The following PDE3B variants were observed in gnomAD, a reference collection of about 807,000 sequenced individuals.
The protein encoded by PDE3B is phosphodiesterase 3B, also known as cGMP-inhibited 3',5'-cyclic phosphodiesterase 3B.
A neutral mutation model predicts 116.8 loss-of-function variants in PDE3B; 66 were observed. The ratio of observed to expected loss-of-function variants is 0.56; its 90% CI spans 0.46 to 0.69. The LOEUF (loss-of-function observed/expected upper bound fraction) is 0.69, where lower values mean the gene tolerates loss of function less well. Among genes scored for constraint, PDE3B ranks in the 30% least tolerant of loss-of-function variants. PDE3B has a pLI of 0.00. For missense variants in PDE3B, 1,384 were observed against 1,368.1 expected, an observed-to-expected ratio of 1.01 and a Z score of -0.18; for synonymous variants, 595 against 533.6, an observed-to-expected ratio of 1.12 and a Z score of -1.59.
At chr11:14,851,958 G>A (rs1450002358) in intron 12 of PDE3B, among the ~76,000 whole-genome samples, 1 of 152,172 alleles carries the variant, frequency 6.6e-6, no homozygotes, top group East Asian at 1.9e-4. Context: ...GGTAACATAT[G>A]GAAGGTTTTA....
chr11:14,741,421 A>AT (rs368497557), intron 1 of PDE3B, among the ~76,000 whole-genome samples: 1 of 150,012 alleles, frequency 6.7e-6, no homozygotes, highest in Non-Finnish European at 1.5e-5. Context: ...CTAGGATTGC[A>AT]TTTTTTTTGC....
Position 14,644,942 on chromosome 11 carries a change from C to A in PDE3B, c.867C>A (p.Ile289=). The change falls in exon 1 of 16, where the codon ATC becomes ATA. Residue 289 remains isoleucine (I), a synonymous_variant. Transcript: ENST00000282096. ...SSAAEEKVPV[I]RPRRRSSCVS... is the part of the protein sequence containing the mutation. ...CCGCCGAAGAAAAAGTGCCTGTGAT[C>A]CGACCCCGGAGGAGGTCCAGCTGCG... 1 of 1,614,082 alleles carries A rather than the reference C, an allele frequency of 6.2e-7. No homozygotes were observed. The highest frequency in any genetic ancestry group is 1.3e-5 in the African/African-American group (1 of 75,030).
the PDE3B span, among the ~76,000 whole-genome samples, chr11:14,884,748 A>G: frequency 2.0e-5 from 3 of 152,216 alleles, no homozygotes; most frequent in East Asian, 5.8e-4. Flanking sequence ...CCTGGTTTTT[A>G]AAAATCTTAA....
At chr11:14,733,071 A>G (rs1348099065) in intron 1 of PDE3B, among the ~76,000 whole-genome samples, 3 of 152,322 alleles carry the variant, frequency 2.0e-5, no homozygotes. Context: ...TTTTTTGAAC[A>G]GTAGTATGCA....
intron 1 of PDE3B, among the ~76,000 whole-genome samples, chr11:14,743,564 G>A (rs1007849860): frequency 6.6e-6 from 1 of 152,208 alleles, no homozygotes; most frequent in Non-Finnish European, 1.5e-5. Flanking sequence ...TTCCAGGGTA[G>A]TGAACAGTTT....
intron 7 of PDE3B, among the ~76,000 whole-genome samples, chr11:14,827,501 T>C (rs1047874283): frequency 3.3e-5 from 5 of 152,010 alleles, no homozygotes; most frequent in African/African-American, 1.2e-4. Flanking sequence ...CAGAAATAAC[T>C]AGCATTCCTA....
In PDE3B at chr11:14,818,715, A is replaced by G. The variant is rs563898459; in HGVS notation, c.1733+322A>G. On this transcript the variant is annotated intron_variant, in intron 6 of 15. Transcript: ENST00000282096. ...TATTTATCTAGTAGTTTTTATTCTA[A>G]ATAAATATCTTCTCATTTTAGTGGT... Among the ~76,000 whole-genome samples the G allele has an allele frequency of 2.0e-5, 3 of 152,172 alleles. No homozygotes were observed. In the East Asian group the frequency reaches 5.8e-4, roughly 29 times the overall value.
chr11:14,796,164 T>TG (rs1326875435), intron 4 of PDE3B, among the ~76,000 whole-genome samples: 1 of 152,210 alleles, frequency 6.6e-6, no homozygotes, highest in Non-Finnish European at 1.5e-5. Context: ...CTGAGAATGA[T>TG]GGTTTCCAGC....
intron 1 of PDE3B, among the ~76,000 whole-genome samples, chr11:14,765,557 T>A (rs1349253309): frequency 6.6e-6 from 1 of 151,876 alleles, no homozygotes; most frequent in Non-Finnish European, 1.5e-5. Context: ...ATAGTATATA[T>A]TACTTAGAGA....
At chr11:14,889,364 C>T in the PDE3B span, among the ~76,000 whole-genome samples, 1 of 152,120 alleles carries the variant, frequency 6.6e-6, no homozygotes, top group Non-Finnish European at 1.5e-5. Flanking sequence ...TGGAAAATAT[C>T]TCTAAGATAA....
the PDE3B span, chr11:14,890,441 CT>C: frequency 1.3e-5 from 13 of 981,470 alleles, no homozygotes; most frequent in African/African-American, 1.8e-5. Flanking sequence ...CCTTTATTAT[CT>C]CGTCCAGCTT....
intron 1 of PDE3B, among the ~76,000 whole-genome samples, chr11:14,706,523 TA>T (rs1855540450): frequency 6.6e-6 from 1 of 151,936 alleles, no homozygotes; most frequent in South Asian, 2.1e-4. Flanking sequence ...GGGCACATAG[TA>T]ACTACTCAAT....
At chr11:14,736,509 T>C (rs1856605593) in intron 1 of PDE3B, among the ~76,000 whole-genome samples, 1 of 152,182 alleles carries the variant, frequency 6.6e-6, no homozygotes, top group East Asian at 1.9e-4. Context: ...AAGTTGCCAT[T>C]AACAGAAATA....
intron 1 of PDE3B, among the ~76,000 whole-genome samples, chr11:14,696,880 C>G (rs1855221571): frequency 6.6e-6 from 1 of 151,940 alleles, no homozygotes; most frequent in Non-Finnish European, 1.5e-5. Context: ...AAATCTTTGC[C>G]TACAGGAAGA....
the PDE3B span, chr11:14,891,663 G>T: frequency 1.7e-6 from 2 of 1,161,262 alleles, no homozygotes; most frequent in East Asian, 5.8e-5. Context: ...CTGAAGTGGC[G>T]GCGCGGCTGG....
intron 1 of PDE3B, among the ~76,000 whole-genome samples, chr11:14,754,792 T>C (rs1290927283): frequency 6.6e-6 from 1 of 152,148 alleles, no homozygotes; most frequent in African/African-American, 2.4e-5. Context: ...CTTCATCCTT[T>C]ATTATTTTTA....
At chr11:14,753,063 G>A (rs1172447817) in intron 1 of PDE3B, among the ~76,000 whole-genome samples, 1 of 152,118 alleles carries the variant, frequency 6.6e-6, no homozygotes, top group East Asian at 1.9e-4. Flanking sequence ...TTTGTCAGGA[G>A]TCTAGGATCC....
At chr11:14,745,413 C>G (rs1041014453) in intron 1 of PDE3B, among the ~76,000 whole-genome samples, 7 of 152,082 alleles carry the variant, frequency 4.6e-5, no homozygotes, top group African/African-American at 1.7e-4. Context: ...TACACACACA[C>G]AGCAGATCTA....
At chr11:14,790,489 A>T (rs187090742) in intron 4 of PDE3B, among the ~76,000 whole-genome samples, 1 of 152,218 alleles carries the variant, frequency 6.6e-6, no homozygotes, top group Non-Finnish European at 1.5e-5. Context: ...AACCTTTCAT[A>T]CTGATGTAAC....
Sources: gnomAD v4.1 joint callset for allele counts (sites outside exome capture counted in the v4.1 genomes callset) on GRCh38, gnomAD v4.1.1 for gene constraint, MANE v1.5 for transcripts, NCBI Gene and HGNC (gene_info 2026-07-23, HGNC 2026-07-21) for gene names.